Variants in CDH4 observed in about 807,000 individuals in gnomAD.
CDH4 encodes the protein cadherin 4.
Under a neutral mutation model 86.0 loss-of-function variants are expected in CDH4, and 33 were observed. That is an observed-to-expected ratio of 0.38 (90% CI 0.29 to 0.51). The LOEUF (loss-of-function observed/expected upper bound fraction) is 0.51. CDH4 is among the 20% of genes least tolerant of loss of function. The pLI is 0.86. For synonymous variants in CDH4, 555 were observed against 549.4 expected (o/e 1.01, Z -0.14); for missense variants, 1,114 against 1,307.4 (o/e 0.85, Z 2.28).
At chr20:61,472,989 T>A (rs190872026) in intron 2 of CDH4, among the ~76,000 whole-genome samples, 1 of 152,134 alleles carries the variant, frequency 6.6e-6, no homozygotes, top group Admixed American at 6.5e-5. Flanking sequence ...CCCAACCGGG[T>A]GTGGGTAGGC....
intron 2 of CDH4, among the ~76,000 whole-genome samples, chr20:61,740,010 C>G (rs917858250): frequency 6.6e-6 from 1 of 152,218 alleles, no homozygotes; most frequent in Non-Finnish European, 1.5e-5. Flanking sequence ...GGGCACTTTT[C>G]TGTTGTCCTC....
chr20:61,492,669 T>A (rs910185001), intron 2 of CDH4, among the ~76,000 whole-genome samples: 1 of 152,174 alleles, frequency 6.6e-6, no homozygotes, highest in Non-Finnish European at 1.5e-5. Flanking sequence ...AAATATCAGA[T>A]GAGATGTCTG....
chr20:61,323,279 G>A (rs927508876), intron 2 of CDH4, among the ~76,000 whole-genome samples: 8 of 152,158 alleles, frequency 5.3e-5, no homozygotes, highest in African/African-American at 1.9e-4. Flanking sequence ...TGGGTGGCAG[G>A]TCAGCCCCTG....
intron 6 of CDH4, among the ~76,000 whole-genome samples, chr20:61,857,142 C>G (rs528933802): frequency 6.6e-6 from 1 of 152,272 alleles, no homozygotes; most frequent in Non-Finnish European, 1.5e-5. Flanking sequence ...CATACCCCTC[C>G]CCGGGGCAGA....
chr20:61,934,509 T>G (rs2055155666), intron 15 of CDH4, among the ~76,000 whole-genome samples: 1 of 152,212 alleles, frequency 6.6e-6, no homozygotes, highest in Non-Finnish European at 1.5e-5. Context: ...AATTCGGGTT[T>G]GCAGCAGAGG....
intron 2 of CDH4, among the ~76,000 whole-genome samples, chr20:61,520,342 C>T (rs1321174587): frequency 6.6e-6 from 1 of 152,204 alleles, no homozygotes; most frequent in Non-Finnish European, 1.5e-5. Flanking sequence ...AACCCAGGCT[C>T]CAGAACCACA....
At chr20:61,634,793 A>G (rs570195598) in intron 2 of CDH4, among the ~76,000 whole-genome samples, 21 of 152,308 alleles carry the variant, frequency 1.4e-4, no homozygotes, top group African/African-American at 4.8e-4. Context: ...TTCTGTCCCC[A>G]TTAAACACAA....
At chr20:61,264,223 C>T (rs1398765439) in intron 2 of CDH4, among the ~76,000 whole-genome samples, 2 of 152,254 alleles carry the variant, frequency 1.3e-5, no homozygotes, top group East Asian at 1.9e-4. Flanking sequence ...ACTTGCTATG[C>T]GTCCCACACT....
intron 2 of CDH4, among the ~76,000 whole-genome samples, chr20:61,403,330 G>C (rs945164592): frequency 2.0e-5 from 3 of 152,200 alleles, no homozygotes; most frequent in African/African-American, 7.2e-5. Context: ...GTGTTTCCTT[G>C]TGTGCAGTTG....
At position 61,681,736 on chromosome 20, in the gene CDH4, C is replaced by G. The variant is rs372896737; in HGVS notation, c.170-61827C>G. On this transcript the variant is annotated intron_variant, in intron 2 of 15. Transcript: ENST00000614565. This position sits in a 1 kb window ranked among gnomAD's most constrained non-coding sequence, Gnocchi z 4.5. ...GGCTCAGTGCATGTGGAGCTGCCAC[C>G]CTAGAAAGCCCTGCGTCGGTGTTGC... Among the ~76,000 whole-genome samples, 1 of 152,178 alleles carries G rather than the reference C, an allele frequency of 6.6e-6. No individual in the cohort carries two copies. Among genetic ancestry groups the G allele is most frequent in the Non-Finnish European group, 1.5e-5 (1 of 68,030 alleles).
chr20:61,386,416 A>G (rs1315911950), intron 2 of CDH4, among the ~76,000 whole-genome samples: 3 of 152,148 alleles, frequency 2.0e-5, no homozygotes, highest in Non-Finnish European at 2.9e-5. Flanking sequence ...CTCTAGGTCA[A>G]CTTCTTACTC....
rs1353909315 is a variant in CDH4, at chr20:61,708,021, C to T, written c.170-35542C>T. On this transcript the variant is annotated intron_variant, in intron 2 of 15. Transcript: ENST00000614565. This position sits in a 1 kb window ranked among gnomAD's most constrained non-coding sequence, Gnocchi z 4.5. ...AGGGAGAGACAGTGGAGTTTGCATC[C>T]ACCAGTGCTGAGGAGAGGAGGCAGC... Among the ~76,000 whole-genome samples, 1 of 152,130 alleles carries T rather than the reference C, an allele frequency of 6.6e-6. No individual in the cohort carries two copies. Among genetic ancestry groups the T allele is most frequent in the Non-Finnish European group, 1.5e-5 (1 of 68,024 alleles).
chr20:61,413,542 G>T (rs1465927998), intron 2 of CDH4, among the ~76,000 whole-genome samples: 2 of 152,184 alleles, frequency 1.3e-5, no homozygotes, highest in Non-Finnish European at 2.9e-5. Context: ...GGGATGGCAT[G>T]CTGTGTGTCT....
At chr20:61,394,893 C>T (rs1475875989) in intron 2 of CDH4, among the ~76,000 whole-genome samples, 3 of 138,190 alleles carry the variant, frequency 2.2e-5, no homozygotes, top group South Asian at 3.3e-4. Context: ...ACAACCCTGC[C>T]CCTGTCACCC....
chr20:61,543,034 G>A lies in CDH4; in HGVS notation c.170-200529G>A, dbSNP rs182290171. Among the ~76,000 whole-genome samples the A allele has an allele frequency of 3.4e-3, 518 of 152,348 alleles. 3 individuals are homozygous for A. The highest frequency in any genetic ancestry group is 3.6e-3 in the Non-Finnish European group (242 of 68,036). On this transcript the variant is annotated intron_variant, in intron 2 of 15. Coordinates refer to ENST00000614565, the MANE Select transcript of CDH4 (RefSeq NM_001794.5). ...GGAGTCTGATGTTCCAGGGCAGGAA[G>A]CATCCGCTCGGGAGAAAGATGGAGA...
intron 2 of CDH4, among the ~76,000 whole-genome samples, chr20:61,707,387 C>T (rs2087843052): frequency 6.6e-6 from 1 of 152,244 alleles, no homozygotes; most frequent in African/African-American, 2.4e-5. Flanking sequence ...GCCTGTTATA[C>T]AGGGAAAGGA....
intron 2 of CDH4, among the ~76,000 whole-genome samples, chr20:61,524,792 A>C (rs1455003997): frequency 6.6e-6 from 1 of 152,176 alleles, no homozygotes; most frequent in African/African-American, 2.4e-5. Context: ...CAACTGTTTC[A>C]AAATTAAAAT....
At position 61,932,908 on chromosome 20, in the gene CDH4, T is replaced by G. The variant is rs148676419; in HGVS notation, c.2240-77T>G. 5 of 1,556,082 alleles carry G rather than the reference T, an allele frequency of 3.2e-6. No individual in the cohort carries two copies. In the East Asian group the frequency reaches 9.3e-5, roughly 29 times the overall value. On this transcript the variant is annotated intron_variant, in intron 13 of 15. Coordinates refer to ENST00000614565, the MANE Select transcript of CDH4 (RefSeq NM_001794.5). ...TGCCACCTGCATGTACATGCCCACATAGACACATGGCAAACACAGAGGCAC... is the reference window on the plus strand; with the variant it reads ...TGCCACCTGCATGTACATGCCCACAGAGACACATGGCAAACACAGAGGCAC...
chr20:61,580,637 T>C (rs1568695968), intron 2 of CDH4, among the ~76,000 whole-genome samples: 1 of 80,244 alleles, frequency 1.2e-5, no homozygotes, highest in Non-Finnish European at 3.2e-5. Flanking sequence ...AGGTTGACGC[T>C]CTAGGGGGGG....
Sources: allele counts gnomAD v4.1 joint callset (sites outside exome capture counted in the v4.1 genomes callset), GRCh38; gene constraint gnomAD v4.1.1; non-coding constraint Gnocchi (gnomAD v3.1); transcripts MANE v1.5; gene names NCBI Gene and HGNC (gene_info 2026-07-23, HGNC 2026-07-21).